DSCAM: variants seen among roughly 807,000 people sequenced by gnomAD.
The protein encoded by DSCAM is cell adhesion molecule DSCAM.
DSCAM carries 47 observed loss-of-function variants against 217.7 expected under a neutral mutation model. That is an observed-to-expected ratio of 0.22 (90% CI 0.17 to 0.28). DSCAM has a LOEUF of 0.28. Among genes scored for constraint, DSCAM ranks in the 10% least tolerant of loss-of-function variants. DSCAM has a pLI of 1.00. For synonymous variants in DSCAM, 1,056 were observed against 1,015.3 expected, an observed-to-expected ratio of 1.04 and a Z score of -0.76; for missense variants, 2,080 against 2,618.3, an observed-to-expected ratio of 0.79 and a Z score of 4.49.
chr21:40,652,375 A>G (rs181700055), intron 3 of DSCAM, among the ~76,000 whole-genome samples: 20 of 152,306 alleles, frequency 1.3e-4, no homozygotes, highest in African/African-American at 4.3e-4. Context: ...ACTTCTAGCT[A>G]TAAGAATCCT....
intron 10 of DSCAM, among the ~76,000 whole-genome samples, chr21:40,289,913 G>C (rs559380287): frequency 1.3e-5 from 2 of 152,178 alleles, no homozygotes; most frequent in African/African-American, 2.4e-5. Flanking sequence ...TGTCTATAAA[G>C]CCATGGCTGA....
intron 11 of DSCAM, among the ~76,000 whole-genome samples, chr21:40,249,157 A>G (rs886820097): frequency 6.6e-6 from 1 of 152,216 alleles, no homozygotes; most frequent in Non-Finnish European, 1.5e-5. Context: ...CATCTGAAGC[A>G]GGGCAGATAG....
At chr21:40,705,256 A>C (rs188505676) in intron 2 of DSCAM, among the ~76,000 whole-genome samples, 21 of 152,348 alleles carry the variant, frequency 1.4e-4, no homozygotes, top group Non-Finnish European at 2.2e-4. Flanking sequence ...TTGCTATACA[A>C]ATTTATGTGC....
At chr21:40,366,549 A>C (rs1005360176) in intron 4 of DSCAM, among the ~76,000 whole-genome samples, 1 of 152,180 alleles carries the variant, frequency 6.6e-6, no homozygotes, top group African/African-American at 2.4e-5. Context: ...CAAACAAAAA[A>C]ATATAGTTTT....
chr21:40,483,750 T>C (rs1019081000), intron 3 of DSCAM, among the ~76,000 whole-genome samples: 1 of 152,202 alleles, frequency 6.6e-6, no homozygotes, highest in Admixed American at 6.5e-5. Context: ...TAGATTAGTG[T>C]GCCTAGTTCT....
intron 3 of DSCAM, among the ~76,000 whole-genome samples, chr21:40,546,592 C>T (rs2076584718): frequency 6.6e-6 from 1 of 152,206 alleles, no homozygotes; most frequent in African/African-American, 2.4e-5. Flanking sequence ...GCAGTAAATA[C>T]ATGGGGTTTT....
chr21:40,036,220 T>A (rs2088620058), intron 32 of DSCAM, among the ~76,000 whole-genome samples: 1 of 147,734 alleles, frequency 6.8e-6, no homozygotes, highest in Non-Finnish European at 1.5e-5. Context: ...AATTAATGAA[T>A]CCAGGAGCTG....
chr21:40,182,670 AG>A (rs146687835), intron 14 of DSCAM, among the ~76,000 whole-genome samples: 2 of 17,038 alleles, frequency 1.2e-4, no homozygotes, highest in Non-Finnish European at 2.3e-4. Context: ...AACCGTGGAC[AG>A]GGGGGGGTTA....
chr21:40,125,417 C>A (rs2090083309), intron 19 of DSCAM, among the ~76,000 whole-genome samples: 1 of 152,168 alleles, frequency 6.6e-6, no homozygotes, highest in South Asian at 2.1e-4. Context: ...TGGAGGGCAA[C>A]CACATTGATG....
At chr21:40,264,988 A>C (rs534866458) in intron 11 of DSCAM, among the ~76,000 whole-genome samples, 1 of 152,306 alleles carries the variant, frequency 6.6e-6, no homozygotes, top group Admixed American at 6.5e-5. Context: ...CAGGAGTTTG[A>C]GACCAGCTTG....
chr21:40,751,681 G>C (rs75375967), intron 1 of DSCAM, among the ~76,000 whole-genome samples: 5,331 of 152,206 alleles, frequency 0.035, 320 homozygotes, highest in African/African-American at 0.12. Flanking sequence ...TCAGGAGAGG[G>C]GTTCCTACTG....
Position 40,369,176 on chromosome 21 carries a change from T to C in DSCAM, c.578A>G (p.Tyr193Cys), listed in dbSNP as rs991596399. The C allele has an allele frequency of 2.5e-6, 4 of 1,613,604 alleles. No homozygotes were observed. Among genetic ancestry groups the C allele is most frequent in the African/African-American group, 1.3e-5 (1 of 74,918 alleles). The change falls in exon 4 of 33, where the codon TAT (tyrosine) becomes TGT (cysteine). Residue 193 changes from tyrosine to cysteine, a missense_variant. Around this residue, in one of 5 missense-constraint regions of DSCAM, gnomAD observed 568 missense variants for 678.1 expected, o/e 0.84. Coordinates refer to ENST00000400454, the MANE Select transcript of DSCAM (RefSeq NM_001389.5). ...ATGCCGCGTGATGCAGCGGTAGTTA[T>C]ACAATCCATCTTCATTCTGTACATC... ...IKDVQNEDGL[Y>C]NYRCITRHRY...
chr21:40,383,075 T>A (rs2075043158), intron 3 of DSCAM: 1 of 152,304 alleles, frequency 6.6e-6, no homozygotes, highest in South Asian at 2.1e-4. Context: ...ATGCCTGTAA[T>A]CCCAGCACTT....
chr21:40,410,797 C>T (rs920368574), intron 3 of DSCAM, among the ~76,000 whole-genome samples: 3 of 151,038 alleles, frequency 2.0e-5, no homozygotes. Context: ...AAAGTTGAGT[C>T]TTGCTAAAAC....
At position 40,846,754 on chromosome 21, in the gene DSCAM, C is replaced by CCCGGGGG; in HGVS notation, c.-100_-94dup. ...GGCTCCGCTCGCCGCTCGGCACCTG[C>CCCGGGGG]CCGGGGGCCGCCGCCCGCCCGCCGC... On this transcript the variant is annotated 5_prime_UTR_variant, in exon 1 of 33. Transcript: ENST00000400454. The CCCGGGGG allele has an allele frequency of 1.8e-6, 1 of 546,694 alleles. No homozygotes were observed. Among genetic ancestry groups the CCCGGGGG allele is most frequent in the Non-Finnish European group, 2.3e-6 (1 of 429,334 alleles). 33.9% of individuals were successfully genotyped at this position (546,694 alleles called of 1,614,324 possible).
intron 3 of DSCAM, among the ~76,000 whole-genome samples, chr21:40,478,441 T>A (rs2145981645): frequency 6.6e-6 from 1 of 152,318 alleles, no homozygotes; most frequent in African/African-American, 2.4e-5. Context: ...AAAAGATTGG[T>A]CATTTTCCAA....
At chr21:40,092,010 C>T (rs1367272678) in intron 21 of DSCAM, among the ~76,000 whole-genome samples, 1 of 152,188 alleles carries the variant, frequency 6.6e-6, no homozygotes, top group Non-Finnish European at 1.5e-5. Context: ...CTGTAAGCTT[C>T]AGGGGGTCAG....
intron 17 of DSCAM, among the ~76,000 whole-genome samples, chr21:40,143,818 A>C (rs2090321966): frequency 6.6e-6 from 1 of 152,144 alleles, no homozygotes; most frequent in South Asian, 2.1e-4. Context: ...CAAATGACTA[A>C]CTGCACAAGA....
chr21:40,715,841 G>C (rs1435070331), intron 1 of DSCAM, among the ~76,000 whole-genome samples: 1 of 152,010 alleles, frequency 6.6e-6, no homozygotes. Context: ...ACCCGACTGT[G>C]GGTAATTTGA....
Sources: gnomAD v4.1 joint callset for allele counts (sites outside exome capture counted in the v4.1 genomes callset) on GRCh38, gnomAD v4.1.1 for gene constraint, gnomAD v4.1.1 regional missense constraint, MANE v1.5 for transcripts, NCBI Gene and HGNC (gene_info 2026-07-23, HGNC 2026-07-21) for gene names.